Variants in GRB2 observed in about 807,000 individuals in gnomAD.
GRB2 encodes growth factor receptor-bound protein 2.
GRB2 carries 2 observed loss-of-function variants against 27.4 expected under a neutral mutation model. That is an observed-to-expected ratio of 0.07 (90% CI 0.03 to 0.23). The LOEUF (loss-of-function observed/expected upper bound fraction) is 0.23, where lower values mean the gene tolerates loss of function less well. Ranked by LOEUF, GRB2 falls within the 10% of genes least tolerant of loss-of-function variation. GRB2 has a pLI of 1.00. For synonymous variants in GRB2, 94 were observed against 99.6 expected (o/e 0.94, Z 0.33); for missense variants, 102 against 282.4 (o/e 0.36, Z 4.58).
At chr17:75,322,961 T>C (rs1342699818) in intron 4 of GRB2, among the ~76,000 whole-genome samples, 3 of 151,420 alleles carry the variant, frequency 2.0e-5, no homozygotes, top group Non-Finnish European at 2.9e-5. Context: ...CTACTAAAAA[T>C]ACAAAAAATT....
Position 75,320,669 on chromosome 17 carries a change from T to A in GRB2, c.469-116A>T. On this transcript the variant is annotated intron_variant, in intron 5 of 5. Transcript: ENST00000316804. The surrounding 1 kb of genome is among the most constrained non-coding windows in gnomAD (Gnocchi z 4.3). Reference sequence around the variant, plus strand: ...TGCGTGCCAAATTCTCCATGTTTCTTAAACTCACCTCCCATCTCCCAACCC... The same window carrying A: ...TGCGTGCCAAATTCTCCATGTTTCTAAAACTCACCTCCCATCTCCCAACCC... The A allele has an allele frequency of 1.4e-6, 1 of 708,324 alleles. No homozygotes were observed. The highest frequency in any genetic ancestry group is 2.4e-6 in the Non-Finnish European group (1 of 408,988). The allele number at this position is 708,324 out of a possible 1,614,324, so 43.9% of individuals were successfully genotyped here.
intron 2 of GRB2, among the ~76,000 whole-genome samples, chr17:75,384,852 T>A (rs1030232982): frequency 1.3e-4 from 19 of 151,082 alleles, no homozygotes; most frequent in African/African-American, 4.4e-4. Context: ...GACAGCAATT[T>A]TTCCTAAATG....
At chr17:75,380,122 A>AAT (rs1324368814) in intron 2 of GRB2, among the ~76,000 whole-genome samples, 2 of 152,218 alleles carry the variant, frequency 1.3e-5, no homozygotes, top group Non-Finnish European at 2.9e-5. Context: ...ATTTCTATGT[A>AAT]ATAGCCTTAT....
rs796075893 is a variant in GRB2, at chr17:75,337,864, C to CCTACTTTTACTA, written c.79-5068_79-5067insTAGTAAAAGTAG. ...TATAGGCGTGAGCCACTGCGCCCGG[C>CCTACTTTTACTA]CTACTATTACTACTACTACTACTAC... On this transcript the variant is annotated intron_variant, in intron 2 of 5. Transcript: ENST00000316804. Among the ~76,000 whole-genome samples, 886 of 115,910 alleles carry CCTACTTTTACTA rather than the reference C, an allele frequency of 7.6e-3. 19 individuals carry two copies. The highest frequency in any genetic ancestry group is 0.011 in the Non-Finnish European group (592 of 51,504). 76.0% of individuals were successfully genotyped at this position (115,910 alleles called of 152,430 possible). A position where few individuals can be genotyped will look rare whatever the true frequency, so the allele number is the denominator to read the frequency against.
intron 3 of GRB2, among the ~76,000 whole-genome samples, chr17:75,329,863 A>G (rs937578106): frequency 3.5e-4 from 54 of 152,258 alleles, no homozygotes; most frequent in African/African-American, 1.2e-3. Context: ...TCACTACTAA[A>G]ACACTGAAAT....
At chr17:75,350,831 G>A (rs2078687416) in intron 2 of GRB2, among the ~76,000 whole-genome samples, 1 of 152,162 alleles carries the variant, frequency 6.6e-6, no homozygotes. Flanking sequence ...CTCAGTGTAA[G>A]TAGGCTGTAG....
At chr17:75,381,867 TTATAAC>T (rs2078931336) in intron 2 of GRB2, among the ~76,000 whole-genome samples, 1 of 152,088 alleles carries the variant, frequency 6.6e-6, no homozygotes, top group Non-Finnish European at 1.5e-5. Context: ...TTTTCTCACT[TTATAAC>T]TAAACTAAAA....
At chr17:75,398,328 G>C (rs1025325678) in intron 1 of GRB2, among the ~76,000 whole-genome samples, 2 of 151,784 alleles carry the variant, frequency 1.3e-5, no homozygotes, top group Non-Finnish European at 2.9e-5. Context: ...GAGGGCAGTG[G>C]CGTGATCTTG....
intron 2 of GRB2, among the ~76,000 whole-genome samples, chr17:75,364,272 T>A (rs1417990952): frequency 2.0e-5 from 3 of 152,238 alleles, no homozygotes; most frequent in Non-Finnish European, 4.4e-5. Flanking sequence ...TGGCTGTGGT[T>A]TTATTACATA....
At chr17:75,370,038 T>C (rs953261980) in intron 2 of GRB2, among the ~76,000 whole-genome samples, 1 of 152,194 alleles carries the variant, frequency 6.6e-6, no homozygotes, top group African/African-American at 2.4e-5. Context: ...GGACACTCAA[T>C]GAATGAATGC....
In GRB2 at chr17:75,383,979, C is replaced by T. The variant is rs189925677; in HGVS notation, c.78+9572G>A. ...TCAGAACCAAAACACAAAGCCATCC[C>T]GTAAATTGCCCAAGATCGCAATGCC... On this transcript the variant is annotated intron_variant, in intron 2 of 5. Coordinates refer to ENST00000316804, the MANE Select transcript of GRB2 (RefSeq NM_002086.5). Among the ~76,000 whole-genome samples the T allele has an allele frequency of 9.2e-5, 14 of 152,250 alleles. No homozygotes were observed. The East Asian group carries it at 1.7e-3, about 19-fold the overall frequency.
At chr17:75,379,531 T>C (rs2078914632) in intron 2 of GRB2, among the ~76,000 whole-genome samples, 1 of 152,106 alleles carries the variant, frequency 6.6e-6, no homozygotes, top group African/African-American at 2.4e-5. Flanking sequence ...CCCAAGTAGC[T>C]GGAACTACAG....
intron 1 of GRB2, among the ~76,000 whole-genome samples, chr17:75,397,191 C>G (rs1340081048): frequency 6.6e-6 from 1 of 152,054 alleles, no homozygotes; most frequent in African/African-American, 2.4e-5. Flanking sequence ...TTAGGTTATC[C>G]ACCCAAAAGA....
At chr17:75,337,756 G>A (rs529372742) in intron 2 of GRB2, among the ~76,000 whole-genome samples, 1 of 150,570 alleles carries the variant, frequency 6.6e-6, no homozygotes, top group African/African-American at 2.4e-5. Flanking sequence ...ATTTTTAGTA[G>A]AGACGGGTTT....
At chr17:75,333,081 G>GC (rs1555609174) in intron 2 of GRB2, among the ~76,000 whole-genome samples, 3 of 146,602 alleles carry the variant, frequency 2.0e-5, no homozygotes, top group Non-Finnish European at 3.0e-5. Flanking sequence ...AGTATTAGTT[G>GC]TTTTTTTTTT....
intron 2 of GRB2, among the ~76,000 whole-genome samples, chr17:75,370,735 G>A (rs1019743862): frequency 2.6e-5 from 4 of 152,186 alleles, no homozygotes; most frequent in Non-Finnish European, 4.4e-5. Flanking sequence ...ACTTTCCCTA[G>A]GGCTATGGGT....
chr17:75,339,920 C>A (rs6501776), intron 2 of GRB2, among the ~76,000 whole-genome samples: 3 of 151,674 alleles, frequency 2.0e-5, no homozygotes, highest in Admixed American at 2.0e-4. Flanking sequence ...TTAGCCACGG[C>A]ACCTGGCCCT....
At chr17:75,404,299 T>C (rs1279267021) in intron 1 of GRB2, among the ~76,000 whole-genome samples, 3 of 151,986 alleles carry the variant, frequency 2.0e-5, no homozygotes, top group Non-Finnish European at 4.4e-5. Context: ...CTTTTGAGCC[T>C]CCCCGTTCTC....
chr17:75,360,052 T>TG (rs1245131162), intron 2 of GRB2, among the ~76,000 whole-genome samples: 1 of 148,458 alleles, frequency 6.7e-6, no homozygotes, highest in Non-Finnish European at 1.5e-5. Context: ...AAGGCTGAGG[T>TG]GGGAGGATTG....
Sources: allele counts gnomAD v4.1 joint callset (sites outside exome capture counted in the v4.1 genomes callset), GRCh38; gene constraint gnomAD v4.1.1; non-coding constraint Gnocchi (gnomAD v3.1); transcripts MANE v1.5; gene names NCBI Gene and HGNC (gene_info 2026-07-23, HGNC 2026-07-21).